SLCO1B3: variants seen among roughly 807,000 people sequenced by gnomAD.
SLCO1B3 encodes the protein solute carrier organic anion transporter family member 1B3.
Under a neutral mutation model 71.8 loss-of-function variants are expected in SLCO1B3, and 72 were observed. The observed-to-expected ratio is 1.00, with a 90% confidence interval of 0.83 to 1.22. The LOEUF (loss-of-function observed/expected upper bound fraction) is 1.22, where lower values mean the gene tolerates loss of function less well. SLCO1B3 is among the 50% of genes most tolerant of loss of function. The pLI is 0.00. For missense variants in SLCO1B3, 911 were observed against 819.7 expected (o/e 1.11, Z -1.36); for synonymous variants, 298 against 278.4 (o/e 1.07, Z -0.70).
At chr12:20,889,671 A>T in intron 13 of SLCO1B3, among the ~76,000 whole-genome samples, 1 of 151,638 alleles carries the variant, frequency 6.6e-6, no homozygotes, top group Non-Finnish European at 1.5e-5. Flanking sequence ...ATCCTTTGTA[A>T]TTTTTTTGCC....
At chr12:20,844,218 G>A (rs1254286056) in intron 3 of SLCO1B3, among the ~76,000 whole-genome samples, 6 of 151,852 alleles carry the variant, frequency 4.0e-5, no homozygotes, top group Non-Finnish European at 7.4e-5. Flanking sequence ...ATACATAAGT[G>A]TAAGTTATAT....
chr12:20,872,125 C>G (rs550771617), intron 8 of SLCO1B3, among the ~76,000 whole-genome samples: 1 of 152,088 alleles, frequency 6.6e-6, no homozygotes, highest in African/African-American at 2.4e-5. Context: ...GCTCTTCTCT[C>G]CCCTTGCCAC....
chr12:20,814,211 A>G (rs1041024582), intron 2 of SLCO1B3, among the ~76,000 whole-genome samples: 1 of 152,174 alleles, frequency 6.6e-6, no homozygotes, highest in Non-Finnish European at 1.5e-5. Context: ...ACTGTTCTAT[A>G]TAAAAGAGTC....
chr12:20,903,566 C>G (rs1448110181), intron 15 of SLCO1B3, among the ~76,000 whole-genome samples: 11 of 152,078 alleles, frequency 7.2e-5, no homozygotes, highest in African/African-American at 2.7e-4. Flanking sequence ...CATGTCTTCT[C>G]CTAGTGACAG....
intron 3 of SLCO1B3, among the ~76,000 whole-genome samples, chr12:20,838,268 A>C (rs947075970): frequency 7.9e-5 from 12 of 151,702 alleles, no homozygotes. Context: ...TAATATAGCT[A>C]TTCCTGATTT....
intron 15 of SLCO1B3, among the ~76,000 whole-genome samples, chr12:20,909,204 C>T (rs1339078168): frequency 1.4e-5 from 2 of 138,404 alleles, no homozygotes; most frequent in African/African-American, 5.4e-5. Context: ...ATCACTCTGT[C>T]GCCCAGGCTG....
intron 4 of SLCO1B3, 77 bp from the exon 5 acceptor site, chr12:20,858,362 A>T (rs4149115): frequency 7.7e-6 from 8 of 1,038,604 alleles, no homozygotes; most frequent in East Asian, 2.5e-5. Context: ...GCATATTTGC[A>T]TTCATTTGGG....
chr12:20,885,061 T>A (rs991646986), intron 13 of SLCO1B3, among the ~76,000 whole-genome samples: 1 of 152,130 alleles, frequency 6.6e-6, no homozygotes, highest in African/African-American at 2.4e-5. Flanking sequence ...TGAAACCTTT[T>A]CATGAGAAAA....
At chr12:20,811,804 T>C (rs535761310) in intron 1 of SLCO1B3, among the ~76,000 whole-genome samples, 1 of 152,178 alleles carries the variant, frequency 6.6e-6, no homozygotes, top group African/African-American at 2.4e-5. Context: ...TAAACGCTTC[T>C]AAATAAGGCT....
At chr12:20,836,941 C>T (rs1036982220) in intron 3 of SLCO1B3, among the ~76,000 whole-genome samples, 4 of 152,138 alleles carry the variant, frequency 2.6e-5, no homozygotes, top group African/African-American at 9.7e-5. Flanking sequence ...GTGCTAGGCC[C>T]ATTCTTTCTG....
chr12:20,828,919 G>T (rs1183709438), intron 3 of SLCO1B3, among the ~76,000 whole-genome samples: 1 of 152,044 alleles, frequency 6.6e-6, no homozygotes, highest in Non-Finnish European at 1.5e-5. Flanking sequence ...CTCTTGGCTT[G>T]GCTAGGAATA....
At chr12:20,843,353 G>A (rs903175431) in intron 3 of SLCO1B3, among the ~76,000 whole-genome samples, 11 of 151,972 alleles carry the variant, frequency 7.2e-5, no homozygotes, top group African/African-American at 1.7e-4. Context: ...TATATCTTCC[G>A]AATTTGATTT....
chr12:20,831,885 A>C (rs1237490631), intron 3 of SLCO1B3, among the ~76,000 whole-genome samples: 2 of 152,194 alleles, frequency 1.3e-5, no homozygotes, highest in Non-Finnish European at 2.9e-5. Flanking sequence ...ATATTGCGCT[A>C]GTGTTTTGTT....
intron 3 of SLCO1B3, among the ~76,000 whole-genome samples, chr12:20,834,016 GTAT>G (rs1864613434): frequency 6.9e-6 from 1 of 144,804 alleles, no homozygotes; most frequent in African/African-American, 2.5e-5. Context: ...ATGTGTATAT[GTAT>G]TATATTTATA....
intron 13 of SLCO1B3, among the ~76,000 whole-genome samples, chr12:20,897,445 A>G (rs960264887): frequency 6.6e-6 from 1 of 152,222 alleles, no homozygotes; most frequent in Non-Finnish European, 1.5e-5. Flanking sequence ...TGAGATAAGC[A>G]TTATCATGCC....
In SLCO1B3 at chr12:20,898,449, G is replaced by A. The variant is rs762749463; in HGVS notation, c.1696G>A (p.Glu566Lys). 6.9e-5 allele frequency: 111 copies of A among 1,597,994 alleles called. No homozygotes were observed. Among genetic ancestry groups the A allele is most frequent in the Non-Finnish European group, 9.4e-5 (110 of 1,168,176 alleles). ...ATCATATTTCAGGATTGTTCAACCT[G>A]AATTGAAAGCACTTGCAATGGGTTT... ...ILLTVKIVQP[E>K]LKALAMGFQS... The change falls in exon 14 of 16, where the codon GAA becomes AAA. Residue 566 changes from glutamate to lysine, a missense_variant. Physicochemically the swap from Glu to Lys is moderately conservative, Grantham distance 56. Coordinates refer to ENST00000381545, the MANE Select transcript of SLCO1B3 (RefSeq NM_019844.4).
Position 20,875,332 on chromosome 12 carries a change from A to G in SLCO1B3, c.825A>G (p.Pro275=), listed in dbSNP as rs768497503. 6 of 1,612,570 alleles carry G rather than the reference A, an allele frequency of 3.7e-6. No individual in the cohort carries two copies. Among genetic ancestry groups the G allele is most frequent in the Admixed American group, 1.7e-5 (1 of 59,796 alleles). Residue 275 remains proline (P), a synonymous_variant, in exon 9 of 16, where the codon CCA becomes CCG. Coordinates refer to ENST00000381545, the MANE Select transcript of SLCO1B3 (RefSeq NM_019844.4). ...TATTTTCCATTATTTCTTCCATACC[A>G]TTTTTTTTCTTGCCGAAAAATCCAA... ...SGLFSIISSI[P]FFFLPKNPNK...
At chr12:20,899,008 T>G (rs2120369205) in intron 14 of SLCO1B3, among the ~76,000 whole-genome samples, 1 of 152,278 alleles carries the variant, frequency 6.6e-6, no homozygotes, top group South Asian at 2.1e-4. Flanking sequence ...TAGCAGGAGT[T>G]AATGCAAAAG....
At chr12:20,912,401 T>C (rs1866398971) in intron 15 of SLCO1B3, among the ~76,000 whole-genome samples, 1 of 151,288 alleles carries the variant, frequency 6.6e-6, no homozygotes, top group Non-Finnish European at 1.5e-5. Flanking sequence ...ACGATGTCAC[T>C]CACTGCAACC....
Sources: gnomAD v4.1 joint callset for allele counts (sites outside exome capture counted in the v4.1 genomes callset) on GRCh38, gnomAD v4.1.1 for gene constraint, MANE v1.5 for transcripts, NCBI Gene and HGNC (gene_info 2026-07-23, HGNC 2026-07-21) for gene names.